Variants in PEPD observed in about 807,000 individuals in gnomAD.
PEPD encodes the protein peptidase D.
PEPD carries 53 observed loss-of-function variants against 60.7 expected under a neutral mutation model. That is an observed-to-expected ratio of 0.87 (90% CI 0.70 to 1.10). The LOEUF (loss-of-function observed/expected upper bound fraction) is 1.10, where lower values mean the gene tolerates loss of function less well. Ranked by LOEUF, PEPD falls within the 50% of genes least tolerant of loss-of-function variation. The pLI is 0.00. For synonymous variants in PEPD, 267 were observed against 284.1 expected (o/e 0.94, Z 0.60); for missense variants, 711 against 711.9 (o/e 1.00, Z 0.01).
chr19:33,406,223 G>C (rs1196079653), intron 11 of PEPD, among the ~76,000 whole-genome samples: 1 of 152,186 alleles, frequency 6.6e-6, no homozygotes, highest in East Asian at 1.9e-4. Flanking sequence ...ATGATGTCTG[G>C]GAGCACCCAG....
At chr19:33,405,619 C>A (rs939488716) in intron 11 of PEPD, among the ~76,000 whole-genome samples, 1 of 152,212 alleles carries the variant, frequency 6.6e-6, no homozygotes, top group Non-Finnish European at 1.5e-5. Context: ...GACACGGTGG[C>A]GAGCTGTGGT....
At chr19:33,451,098 C>A (rs1218377917) in intron 9 of PEPD, among the ~76,000 whole-genome samples, 4 of 152,202 alleles carry the variant, frequency 2.6e-5, no homozygotes, top group Non-Finnish European at 5.9e-5. Flanking sequence ...TGTAGGTAGC[C>A]CTGCTCTGCA....
intron 6 of PEPD, among the ~76,000 whole-genome samples, chr19:33,481,546 A>T (rs1970314190): frequency 6.6e-6 from 1 of 152,204 alleles, no homozygotes; most frequent in South Asian, 2.1e-4. Flanking sequence ...AGCCTGGGTG[A>T]CAAGAGTGAA....
At chr19:33,514,644 G>A (rs886908130) in intron 1 of PEPD, among the ~76,000 whole-genome samples, 2 of 151,856 alleles carry the variant, frequency 1.3e-5, no homozygotes, top group African/African-American at 4.8e-5. Context: ...GCCAACGACA[G>A]GCACATGAGG....
chr19:33,433,820 G>A (rs959760717), intron 9 of PEPD, among the ~76,000 whole-genome samples: 23 of 152,236 alleles, frequency 1.5e-4, no homozygotes, highest in African/African-American at 4.6e-4. Flanking sequence ...CAAGTTAGGA[G>A]GACCACTCAG....
intron 12 of PEPD, among the ~76,000 whole-genome samples, chr19:33,397,011 G>A (rs368945261): frequency 6.6e-6 from 1 of 152,096 alleles, no homozygotes; most frequent in Non-Finnish European, 1.5e-5. Flanking sequence ...CATGGGGTGG[G>A]CAGCCTGCCC....
At chr19:33,473,739 T>C (rs941399131) in intron 7 of PEPD, among the ~76,000 whole-genome samples, 1 of 152,196 alleles carries the variant, frequency 6.6e-6, no homozygotes. Context: ...GCCTAAATTA[T>C]GGAAGTAAGA....
intron 12 of PEPD, among the ~76,000 whole-genome samples, chr19:33,399,212 C>A (rs975339188): frequency 6.6e-6 from 1 of 152,194 alleles, no homozygotes; most frequent in Non-Finnish European, 1.5e-5. Context: ...TGGTCTTCAA[C>A]TCCTGACCTC....
chr19:33,433,644 T>A (rs1236988173), intron 9 of PEPD, among the ~76,000 whole-genome samples: 1 of 152,240 alleles, frequency 6.6e-6, no homozygotes, highest in African/African-American at 2.4e-5. Context: ...TCTAATAGAC[T>A]CGATATTCAG....
intron 4 of PEPD, among the ~76,000 whole-genome samples, chr19:33,496,391 T>A (rs1177540466): frequency 6.6e-6 from 1 of 152,136 alleles, no homozygotes; most frequent in South Asian, 2.1e-4. Context: ...CATCTCCTAG[T>A]CCTGGCAGGG....
At chr19:33,422,116 C>T (rs1040519996) in intron 9 of PEPD, among the ~76,000 whole-genome samples, 1 of 152,102 alleles carries the variant, frequency 6.6e-6, no homozygotes, top group Admixed American at 6.5e-5. Flanking sequence ...TCGAACTCCG[C>T]GCTGCTCCTG....
chr19:33,505,927 CCTACACA>C (rs1255918839), intron 3 of PEPD, among the ~76,000 whole-genome samples: 2 of 145,422 alleles, frequency 1.4e-5, no homozygotes, highest in East Asian at 2.2e-4. Flanking sequence ...TCACAAACAC[CCTACACA>C]CTACACACAC....
chr19:33,416,436 G>C (rs528781491), intron 9 of PEPD, among the ~76,000 whole-genome samples: 3 of 152,276 alleles, frequency 2.0e-5, no homozygotes, highest in African/African-American at 7.2e-5. Context: ...GAGTGTCACC[G>C]CCCCACTGCG....
chr19:33,408,344 G>C (rs1440909016), intron 11 of PEPD, among the ~76,000 whole-genome samples: 1 of 152,252 alleles, frequency 6.6e-6, no homozygotes, highest in African/African-American at 2.4e-5. Flanking sequence ...GAGGACACCG[G>C]GCCTGCTGCT....
At chr19:33,424,979 T>A (rs1969109531) in intron 9 of PEPD, among the ~76,000 whole-genome samples, 1 of 149,790 alleles carries the variant, frequency 6.7e-6, no homozygotes, top group African/African-American at 2.4e-5. Context: ...ACCCCAGCTC[T>A]TTAAAAAAAC....
chr19:33,481,766 T>C (rs1413196328), intron 6 of PEPD, among the ~76,000 whole-genome samples: 1 of 152,128 alleles, frequency 6.6e-6, no homozygotes, highest in African/African-American at 2.4e-5. Context: ...CAGTGGCTCA[T>C]GCCTGTAATC....
chr19:33,512,607 C>A lies in PEPD; in HGVS notation c.187G>T (p.Val63Phe), dbSNP rs778585918. 2.1e-5 allele frequency: 34 copies of A among 1,613,636 alleles called. No homozygotes were observed. The highest frequency in any genetic ancestry group is 5.5e-5 in the South Asian group (5 of 91,086). ...GGGAGGCTCACCTGGCGGAAGAGGA[C>A]CCCGGTGTCGGTGCAGTAGCGCTGA... is the stretch of plus-strand genomic sequence containing the variant. ...ETQRYCTDTGVLFRQESFFHW... is the reference protein window; with the variant it reads ...ETQRYCTDTGFLFRQESFFHW... The change falls in exon 2 of 15, where the codon GTC becomes TTC. Residue 63 changes from valine (V) to phenylalanine (F), a missense_variant. By Grantham distance (50) the Val-to-Phe change is conservative (BLOSUM62 -1). Transcript: ENST00000244137.
At chr19:33,462,418 T>C (rs1969941943) in intron 9 of PEPD, among the ~76,000 whole-genome samples, 1 of 152,164 alleles carries the variant, frequency 6.6e-6, no homozygotes, top group South Asian at 2.1e-4. Context: ...AAAGGTTTCC[T>C]TGTACCATGG....
At chr19:33,462,902 T>A in intron 9 of PEPD, 93 bp downstream of exon 9, 1 of 809,622 alleles carries the variant, frequency 1.2e-6, no homozygotes, top group Non-Finnish European at 2.2e-6. Flanking sequence ...ACGGTGTGTG[T>A]GCCACTGCGG....
Sources: gnomAD v4.1 joint callset for allele counts (sites outside exome capture counted in the v4.1 genomes callset) on GRCh38, gnomAD v4.1.1 for gene constraint, MANE v1.5 for transcripts, NCBI Gene and HGNC (gene_info 2026-07-23, HGNC 2026-07-21) for gene names.